The following ADAMTS3 variants were observed in gnomAD, a reference collection of about 807,000 sequenced individuals.
The protein encoded by ADAMTS3 is ADAM metallopeptidase with thrombospondin type 1 motif 3.
A neutral mutation model predicts 129.0 loss-of-function variants in ADAMTS3; 73 were observed. The ratio of observed to expected loss-of-function variants is 0.57; its 90% CI spans 0.47 to 0.69. The LOEUF (loss-of-function observed/expected upper bound fraction) is 0.69. Among genes scored for constraint, ADAMTS3 ranks in the 30% least tolerant of loss-of-function variants. ADAMTS3 has a pLI of 0.00. For missense variants in ADAMTS3, 1,457 were observed against 1,514.5 expected (o/e 0.96, Z 0.63); for synonymous variants, 477 against 510.8 (o/e 0.93, Z 0.89).
intron 19 of ADAMTS3, among the ~76,000 whole-genome samples, chr4:72,292,699 T>C (rs925385761): frequency 2.0e-5 from 3 of 152,218 alleles, no homozygotes; most frequent in Non-Finnish European, 2.9e-5. Flanking sequence ...CTGTATGTAA[T>C]TCAGGCTAAA....
chr4:72,492,078 T>C (rs746095893), intron 3 of ADAMTS3, among the ~76,000 whole-genome samples: 1 of 151,752 alleles, frequency 6.6e-6, no homozygotes, highest in Non-Finnish European at 1.5e-5. Context: ...ATAGTGCCTA[T>C]GATTTTTATT....
intron 3 of ADAMTS3, among the ~76,000 whole-genome samples, chr4:72,508,227 A>T (rs955544235): frequency 1.3e-5 from 2 of 152,118 alleles, no homozygotes; most frequent in Non-Finnish European, 2.9e-5. Flanking sequence ...TACAGCTAAC[A>T]GTTGGGGTGT....
At chr4:72,493,739 C>A (rs1719805271) in intron 3 of ADAMTS3, among the ~76,000 whole-genome samples, 2 of 151,982 alleles carry the variant, frequency 1.3e-5, no homozygotes, top group East Asian at 3.8e-4. Context: ...TACAAAAAGT[C>A]CCTTAAGCAT....
chr4:72,379,677 T>C (rs1183324283), intron 4 of ADAMTS3, among the ~76,000 whole-genome samples: 6 of 152,304 alleles, frequency 3.9e-5, no homozygotes. Context: ...ACATCTGTAG[T>C]ATCACTATGC....
chr4:72,524,499 A>C (rs2109747616), intron 3 of ADAMTS3, among the ~76,000 whole-genome samples: 1 of 152,136 alleles, frequency 6.6e-6, no homozygotes, highest in East Asian at 1.9e-4. Flanking sequence ...CTAAGTGTTT[A>C]ATCACTTATT....
rs867747426 is a variant in ADAMTS3 at position 72,400,762 on chromosome 4, T to G, written c.661+14053A>C. ...CGTGTGCATAGATATGCACACGGTG[T>G]GTATATATACGTGTGCATAGATATA... is the stretch of plus-strand genomic sequence containing the variant. On this transcript the variant is annotated intron_variant, in intron 4 of 21. Coordinates refer to ENST00000286657, the MANE Select transcript of ADAMTS3 (RefSeq NM_014243.3). Among the ~76,000 whole-genome samples, 4 of 139,708 alleles carry G rather than the reference T, an allele frequency of 2.9e-5. 1 individual carries two copies. The highest frequency in any genetic ancestry group is 1.3e-4 in the African/African-American group (4 of 30,646). 91.7% of individuals were successfully genotyped at this position (139,708 alleles called of 152,430 possible).
chr4:72,359,916 T>C lies in ADAMTS3; in HGVS notation c.662-20223A>G, dbSNP rs114671491. Among the ~76,000 whole-genome samples, 960 of 152,154 alleles carry C rather than the reference T, an allele frequency of 6.3e-3. 12 individuals carry two copies. The highest frequency in any genetic ancestry group is 0.022 in the African/African-American group (928 of 41,536). On this transcript the variant is annotated intron_variant, in intron 4 of 21. Coordinates refer to ENST00000286657, the MANE Select transcript of ADAMTS3 (RefSeq NM_014243.3). Reference sequence around the variant, plus strand: ...AAGTATTATCAGCATTAGAATTAATTTGTATATAAGTACACTTTTCATTAT... The same window carrying C: ...AAGTATTATCAGCATTAGAATTAATCTGTATATAAGTACACTTTTCATTAT...
At chr4:72,494,341 T>C (rs762568946) in intron 3 of ADAMTS3, among the ~76,000 whole-genome samples, 2 of 152,138 alleles carry the variant, frequency 1.3e-5, no homozygotes, top group African/African-American at 2.4e-5. Flanking sequence ...TTCTGATTGA[T>C]TGAGTCTGTT....
At chr4:72,527,833 G>A (rs760067257) in intron 3 of ADAMTS3, among the ~76,000 whole-genome samples, 71 of 152,258 alleles carry the variant, frequency 4.7e-4, no homozygotes, top group Non-Finnish European at 2.9e-4. Context: ...TCTACCCAGA[G>A]GAAGAATTCA....
At chr4:72,561,251 G>A (rs1459527326) in intron 2 of ADAMTS3, among the ~76,000 whole-genome samples, 1 of 152,150 alleles carries the variant, frequency 6.6e-6, no homozygotes, top group Non-Finnish European at 1.5e-5. Context: ...GGGAGGCTGA[G>A]GCAGAGAATT....
rs915345289 is a variant in ADAMTS3 at position 72,392,896 on chromosome 4, A to T, written c.661+21919T>A. 3.3e-5 allele frequency among the ~76,000 whole-genome samples: 5 copies of T among 151,224 alleles called. No homozygotes were observed. In the East Asian group the frequency reaches 9.9e-4, roughly 30 times the overall value. ...GTCTTCAAAAGAGTATGAGTAAAAA[A>T]AATTCTTCTACCCATCGGATTTTTT... On this transcript the variant is annotated intron_variant, in intron 4 of 21. Transcript: ENST00000286657.
chr4:72,478,516 T>C (rs1238288808), intron 3 of ADAMTS3, among the ~76,000 whole-genome samples: 16 of 149,172 alleles, frequency 1.1e-4, no homozygotes, highest in Non-Finnish European at 1.9e-4. Flanking sequence ...AAACTCTCAA[T>C]AAATTAGGTA....
intron 4 of ADAMTS3, among the ~76,000 whole-genome samples, chr4:72,387,957 G>A (rs1311341584): frequency 4.6e-5 from 7 of 152,196 alleles, no homozygotes; most frequent in Middle Eastern, 6.8e-3. Context: ...CAAAGTATAA[G>A]AGCATAAATC....
intron 3 of ADAMTS3, among the ~76,000 whole-genome samples, chr4:72,472,788 T>C (rs1038739158): frequency 6.6e-6 from 1 of 152,192 alleles, no homozygotes; most frequent in African/African-American, 2.4e-5. Flanking sequence ...TCTTTATTCA[T>C]GGATAGCTTA....
intron 3 of ADAMTS3, among the ~76,000 whole-genome samples, chr4:72,446,857 T>C (rs1463205784): frequency 6.6e-6 from 1 of 151,648 alleles, no homozygotes; most frequent in Admixed American, 6.6e-5. Flanking sequence ...GGCTGAATCA[T>C]GCATGTAGGA....
At chr4:72,418,818 G>T (rs950503705) in intron 3 of ADAMTS3, among the ~76,000 whole-genome samples, 2 of 152,210 alleles carry the variant, frequency 1.3e-5, no homozygotes, top group African/African-American at 4.8e-5. Flanking sequence ...ACTTAAAACT[G>T]CACTCATTAC....
At chr4:72,325,264 A>G (rs1204159620) in intron 5 of ADAMTS3, among the ~76,000 whole-genome samples, 7 of 152,310 alleles carry the variant, frequency 4.6e-5, no homozygotes, top group African/African-American at 1.4e-4. Context: ...TTAGACAAAA[A>G]GCTGTTGTTT....
At chr4:72,552,906 A>T (rs1013124044) in intron 2 of ADAMTS3, among the ~76,000 whole-genome samples, 2 of 152,218 alleles carry the variant, frequency 1.3e-5, no homozygotes, top group Non-Finnish European at 2.9e-5. Context: ...AATTTTACTT[A>T]TGTGTTTATT....
chr4:72,433,181 A>G (rs1722739139), intron 3 of ADAMTS3, among the ~76,000 whole-genome samples: 2 of 151,954 alleles, frequency 1.3e-5, no homozygotes, highest in Admixed American at 6.6e-5. Flanking sequence ...CAAGAGCCAC[A>G]CCCTGCCTGC....
Sources: allele counts gnomAD v4.1 joint callset (sites outside exome capture counted in the v4.1 genomes callset), GRCh38; gene constraint gnomAD v4.1.1; transcripts MANE v1.5; gene names NCBI Gene and HGNC (gene_info 2026-07-23, HGNC 2026-07-21).